FRMD4B: variants seen among roughly 807,000 people sequenced by gnomAD.
FRMD4B encodes FERM domain-containing protein 4B.
Under a neutral mutation model 141.5 loss-of-function variants are expected in FRMD4B, and 74 were observed. The observed-to-expected ratio is 0.52, with a 90% CI of 0.43 to 0.63. The LOEUF (loss-of-function observed/expected upper bound fraction) is 0.63. Ranked by LOEUF, FRMD4B falls within the 30% of genes least tolerant of loss-of-function variation. The pLI, the probability that FRMD4B is intolerant of heterozygous loss-of-function variation, is 0.00. For missense variants in FRMD4B, 1,366 were observed against 1,253.4 expected (o/e 1.09, Z -1.36); for synonymous variants, 506 against 467.9 (o/e 1.08, Z -1.05).
intron 9 of FRMD4B, among the ~76,000 whole-genome samples, chr3:69,220,868 G>C (rs774411501): frequency 1.7e-4 from 26 of 152,104 alleles, no homozygotes; most frequent in Admixed American, 3.3e-4. Context: ...AGAGAGATTA[G>C]AGCAAAGAAG....
chr3:69,433,049 G>A (rs1705205052), intron 1 of FRMD4B: 1 of 152,180 alleles, frequency 6.6e-6, no homozygotes, highest in South Asian at 2.1e-4. Context: ...TACTGTCTCT[G>A]TAGGAGGAGA....
chr3:69,339,861 AG>A (rs1702676517), intron 1 of FRMD4B, among the ~76,000 whole-genome samples: 2 of 152,186 alleles, frequency 1.3e-5, no homozygotes, highest in Admixed American at 1.3e-4. Context: ...GTCCCCTGAG[AG>A]GGGATTCTTG....
intron 1 of FRMD4B, among the ~76,000 whole-genome samples, chr3:69,446,320 C>T (rs1339620036): frequency 6.6e-6 from 1 of 150,622 alleles, no homozygotes; most frequent in Non-Finnish European, 1.5e-5. Context: ...GCCACCGTGA[C>T]TAGCCTACAA....
chr3:69,187,720 A>G (rs549489752), intron 19 of FRMD4B, 50 bp downstream of exon 19: 5 of 1,550,898 alleles, frequency 3.2e-6, no homozygotes, highest in Non-Finnish European at 4.4e-6. Context: ...TTTGGAGGAA[A>G]AATTTCCTAG....
At chr3:69,397,031 C>T (rs576942696) in intron 2 of FRMD4B, among the ~76,000 whole-genome samples, 158 of 152,188 alleles carry the variant, frequency 1.0e-3, no homozygotes, top group Non-Finnish European at 1.9e-3. Context: ...GAATTGAAAA[C>T]GTATGTTCAC....
At chr3:69,261,977 A>AT (rs2093530243) in intron 5 of FRMD4B, among the ~76,000 whole-genome samples, 1 of 150,342 alleles carries the variant, frequency 6.7e-6, no homozygotes, top group South Asian at 2.1e-4. Flanking sequence ...CCCTATTTTT[A>AT]TTTTTTTAAG....
At chr3:69,205,446 G>A (rs991654564) in intron 11 of FRMD4B, among the ~76,000 whole-genome samples, 1 of 152,004 alleles carries the variant, frequency 6.6e-6, no homozygotes, top group Non-Finnish European at 1.5e-5. Context: ...TGGGCTCAAG[G>A]AATCCTTCCG....
At chr3:69,396,126 A>G (rs1289449957) in intron 2 of FRMD4B, among the ~76,000 whole-genome samples, 2 of 152,082 alleles carry the variant, frequency 1.3e-5, no homozygotes, top group African/African-American at 2.4e-5. Flanking sequence ...TCCTTTTTCT[A>G]TGTTGCTGAT....
chr3:69,456,611 C>G (rs1213322590), intron 1 of FRMD4B, among the ~76,000 whole-genome samples: 1 of 151,962 alleles, frequency 6.6e-6, no homozygotes, highest in Non-Finnish European at 1.5e-5. Flanking sequence ...TCCAGGAAAG[C>G]AGGGTCCTTG....
chr3:69,538,665 A>AT (rs1701119801), intron 1 of FRMD4B, among the ~76,000 whole-genome samples: 1 of 152,242 alleles, frequency 6.6e-6, no homozygotes, highest in South Asian at 2.1e-4. Context: ...GAAGCATGAG[A>AT]TAAAAAATGA....
At chr3:69,245,986 T>G (rs1372103447) in intron 7 of FRMD4B, among the ~76,000 whole-genome samples, 2 of 151,860 alleles carry the variant, frequency 1.3e-5, no homozygotes, top group Non-Finnish European at 2.9e-5. Context: ...TACAGGCATG[T>G]GCCACCATGC....
rs142992987 is a variant in FRMD4B at position 69,523,185 on chromosome 3, C to T, written c.-129+19021G>A. On this transcript the variant is annotated intron_variant, in intron 1 of 5. Transcript: ENST00000459638. The stretch of plus-strand genomic sequence containing the variant: ...ATGGCAATGGATAGAATGATCATAT[C>T]GTATGATTATTCTGCTGGGATGCTG... 7.6e-3 allele frequency among the ~76,000 whole-genome samples: 1,154 copies of T among 150,904 alleles called. 11 individuals are homozygous for T. Among genetic ancestry groups the T allele is most frequent in the South Asian group, 0.033 (158 of 4,766 alleles).
At chr3:69,202,360 T>C (rs997335683) in intron 11 of FRMD4B, among the ~76,000 whole-genome samples, 1 of 151,974 alleles carries the variant, frequency 6.6e-6, no homozygotes. Context: ...CTATGACATA[T>C]ATGTGTGTGT....
intron 7 of FRMD4B, among the ~76,000 whole-genome samples, chr3:69,241,739 A>C (rs893195005): frequency 2.6e-5 from 4 of 152,142 alleles, no homozygotes; most frequent in African/African-American, 4.8e-5. Context: ...CTCTACTAAA[A>C]ATTAAAAAAT....
chr3:69,449,078 C>T (rs997452905), intron 1 of FRMD4B, among the ~76,000 whole-genome samples: 1 of 152,102 alleles, frequency 6.6e-6, no homozygotes, highest in African/African-American at 2.4e-5. Flanking sequence ...TAATATTCAA[C>T]AGGCTTTATA....
chr3:69,339,139 G>C (rs1383966785), intron 1 of FRMD4B, among the ~76,000 whole-genome samples: 1 of 152,078 alleles, frequency 6.6e-6, no homozygotes, highest in Non-Finnish European at 1.5e-5. Context: ...AAGGTCCATG[G>C]TGTTCTACTC....
intron 5 of FRMD4B, among the ~76,000 whole-genome samples, chr3:69,284,367 C>T (rs1225723766): frequency 6.6e-6 from 1 of 152,118 alleles, no homozygotes; most frequent in Non-Finnish European, 1.5e-5. Flanking sequence ...GGGAAGAGTG[C>T]CTCATCCTTA....
intron 1 of FRMD4B, among the ~76,000 whole-genome samples, chr3:69,328,676 G>A (rs1432021673): frequency 6.6e-6 from 1 of 152,144 alleles, no homozygotes; most frequent in Non-Finnish European, 1.5e-5. Context: ...AAAGACCTCT[G>A]GTAGTCCTCA....
At chr3:69,288,315 C>T (rs1700762109) in intron 4 of FRMD4B, among the ~76,000 whole-genome samples, 1 of 152,268 alleles carries the variant, frequency 6.6e-6, no homozygotes, top group Non-Finnish European at 1.5e-5. Flanking sequence ...ACCTGACCCC[C>T]ATTCACTGGG....
Sources: gnomAD v4.1 joint callset for allele counts (sites outside exome capture counted in the v4.1 genomes callset) on GRCh38, gnomAD v4.1.1 for gene constraint, MANE v1.5 for transcripts, NCBI Gene and HGNC (gene_info 2026-07-23, HGNC 2026-07-21) for gene names.